NHLRC1: variants seen among roughly 807,000 people sequenced by gnomAD.
NHLRC1 encodes E3 ubiquitin-protein ligase NHLRC1.
Under a neutral mutation model 14.6 loss-of-function variants are expected in NHLRC1, and 10 were observed. The observed-to-expected ratio is 0.69, with a 90% CI of 0.42 to 1.17. The LOEUF (loss-of-function observed/expected upper bound fraction) is 1.17, where lower values mean the gene tolerates loss of function less well. NHLRC1 is among the 50% of genes most tolerant of loss of function. NHLRC1 has a pLI of 0.00. For synonymous variants in NHLRC1, 231 were observed against 224.0 expected (o/e 1.03, Z -0.28); for missense variants, 526 against 522.9 (o/e 1.01, Z -0.06).
At position 18,122,449 on chromosome 6, in the gene NHLRC1, G is replaced by A; in HGVS notation, c.158C>T (p.Ala53Val). The A allele has an allele frequency of 6.3e-7, 1 of 1,595,054 alleles. No individual in the cohort carries two copies. The highest frequency in any genetic ancestry group is 8.5e-7 in the Non-Finnish European group (1 of 1,178,494). Reference sequence around the variant, plus strand: ...CGGGTGCGCCAGGGCGGCCACGCAGGCCAGGCAGACCACGTGGCCGCAGGA... The same window carrying A: ...CGGGTGCGCCAGGGCGGCCACGCAGACCAGGCAGACCACGTGGCCGCAGGA... ...NLSCGHVVCL[A>V]CVAALAHPRT... The change falls in exon 1 of 1, where the codon GCC becomes GTC. Residue 53 changes from alanine to valine, a missense_variant. By Grantham distance (64) the Ala-to-Val change is moderately conservative. Transcript: ENST00000340650.
In NHLRC1 at chr6:18,121,916, C is replaced by T. The variant is rs1060503098; in HGVS notation, c.691G>A (p.Val231Ile). 1 of 1,614,210 alleles carries T rather than the reference C, an allele frequency of 6.2e-7. No individual in the cohort carries two copies. The highest frequency in any genetic ancestry group is 8.5e-7 in the Non-Finnish European group (1 of 1,180,036). Residue 231 changes from valine to isoleucine, a missense_variant, in exon 1 of 1, where the codon GTA (valine) becomes ATA (isoleucine). Coordinates refer to ENST00000340650, the MANE Select transcript of NHLRC1 (RefSeq NM_198586.3). This position sits in a 1 kb window ranked among gnomAD's most constrained non-coding sequence, Gnocchi z 4.7. ...VETTPQNGIV[V>I]TDAEAGSLHL... ...AGGGACCCTGCCTCCGCATCAGTTACCACAATCCCATTCTGAGGGGTGGTC... is the reference window on the plus strand; with the variant it reads ...AGGGACCCTGCCTCCGCATCAGTTATCACAATCCCATTCTGAGGGGTGGTC...
In NHLRC1 at chr6:18,121,968, G is replaced by T. The variant is rs1783743130; in HGVS notation, c.639C>A (p.Gly213=). Residue 213 remains glycine, a synonymous_variant, in exon 1 of 1, where the codon GGC becomes GGA. Transcript: ENST00000340650. This position sits in a 1 kb window ranked among gnomAD's most constrained non-coding sequence, Gnocchi z 4.7. ...FFGQIKLVIG[G]QFSLPWGVET... Reference sequence around the variant, plus strand: ...CCACACCCCAAGGTAAGGAGAATTGGCCTCCAATGACAAGCTTGATCTGGC... The same window carrying T: ...CCACACCCCAAGGTAAGGAGAATTGTCCTCCAATGACAAGCTTGATCTGGC... The T allele has an allele frequency of 1.2e-6, 2 of 1,614,200 alleles. No homozygotes were observed. Among genetic ancestry groups the T allele is most frequent in the Non-Finnish European group, 1.7e-6 (2 of 1,180,042 alleles).
Position 18,122,140 on chromosome 6 carries a change from G to C in NHLRC1, c.467C>G (p.Ser156Ter). The change falls in exon 1 of 1, where the codon TCA becomes TGA. Residue 156 changes from serine (S) to a stop codon, truncating the protein, a stop_gained. Coordinates refer to ENST00000340650, the MANE Select transcript of NHLRC1 (RefSeq NM_198586.3). LOFTEE classifies it high-confidence loss of function. The stretch of plus-strand genomic sequence containing the variant: ...AAACTGATGCGCGCATCCTCCCCCT[G>C]AGTCAAAAATCTTGACACGCCTCCT... ...DGRRRVKIFD[S>*]GGGCAHQFGE... 6.2e-7 allele frequency: 1 copy of C among 1,613,866 alleles called. No homozygotes were observed. Among genetic ancestry groups the C allele is most frequent in the Non-Finnish European group, 8.5e-7 (1 of 1,180,018 alleles).
chr6:18,122,175 C>CACCACCACGACACGCCCCGTCTTT lies in NHLRC1; in HGVS notation c.431_432insAAAGACGGGGCGTGTCGTGGTGGT (p.Lys137_Val144dup). Reference sequence around the variant, plus strand: ...TCTTGACACGCCTCCTGCCGTCGTGCACCACCACGACACGCCCCGTCTTGG... The same window carrying CACCACCACGACACGCCCCGTCTTT: ...TCTTGACACGCCTCCTGCCGTCGTGCACCACCACGACACGCCCCGTCTTTACCACCACGACACGCCCCGTCTTGG... On this transcript the variant is annotated inframe_insertion, in exon 1 of 1. Coordinates refer to ENST00000340650, the MANE Select transcript of NHLRC1 (RefSeq NM_198586.3). The CACCACCACGACACGCCCCGTCTTT allele has an allele frequency of 6.2e-7, 1 of 1,613,386 alleles. No individual in the cohort carries two copies. The highest frequency in any genetic ancestry group is 8.5e-7 in the Non-Finnish European group (1 of 1,180,032).
Position 18,121,010 on chromosome 6 carries a change from A to T in NHLRC1, c.*409T>A, listed in dbSNP as rs1783722351. On this transcript the variant is annotated 3_prime_UTR_variant, in exon 1 of 1. Coordinates refer to ENST00000340650, the MANE Select transcript of NHLRC1 (RefSeq NM_198586.3). The surrounding 1 kb of genome is among the most constrained non-coding windows in gnomAD (Gnocchi z 4.7). ...ACATGGTGAAACCCCATCTCTGCCA[A>T]AATACAAAAATTAGCTGAGTGTGGT... The T allele has an allele frequency of 4.5e-6, 1 of 223,280 alleles. No individual in the cohort carries two copies. Among genetic ancestry groups the T allele is most frequent in the Non-Finnish European group, 9.0e-6 (1 of 110,990 alleles). The allele number at this position is 223,280 out of a possible 1,614,324, so 13.8% of individuals were successfully genotyped here.
At position 18,120,695 on chromosome 6, in the gene NHLRC1, C is replaced by G. The variant is rs1055138822; in HGVS notation, c.*724G>C. ...TAAAATAATTAGCTACTTGTAAAGA[C>G]AGTACACATAGCAACACTACACATT... is the stretch of plus-strand genomic sequence containing the variant. On this transcript the variant is annotated 3_prime_UTR_variant, in exon 1 of 1. Transcript: ENST00000340650. 1 of 152,292 alleles carries G rather than the reference C, an allele frequency of 6.6e-6. No homozygotes were observed. Among genetic ancestry groups the G allele is most frequent in the Non-Finnish European group, 1.5e-5 (1 of 68,142 alleles). 9.4% of individuals were successfully genotyped at this position (152,292 alleles called of 1,614,324 possible).
Position 18,121,858 on chromosome 6 carries a change from A to G in NHLRC1, c.749T>C (p.Val250Ala). ...HLLDVDFAEG[V>A]LRRTERLQAH... ...TTGCAACCTTTCAGTTCTCCGAAGG[A>G]CCCCTTCCGCGAAGTCGACGTCCAG... The change falls in exon 1 of 1, where the codon GTC becomes GCC. Residue 250 changes from valine to alanine, a missense_variant. Val to Ala is a moderately conservative substitution (Grantham distance 64, BLOSUM62 0). Coordinates refer to ENST00000340650, the MANE Select transcript of NHLRC1 (RefSeq NM_198586.3). The surrounding 1 kb of genome is among the most constrained non-coding windows in gnomAD (Gnocchi z 4.7). 1 of 1,613,426 alleles carries G rather than the reference A, an allele frequency of 6.2e-7. No individual in the cohort carries two copies. The highest frequency in any genetic ancestry group is 1.1e-5 in the South Asian group (1 of 91,046).
chr6:18,122,596 T>A lies in NHLRC1; in HGVS notation c.11A>T (p.Glu4Val), dbSNP rs767954855. MAA[E>V]ASESGPALHE... ...CAGCGCTGGCCCGCTCTCCGAGGCT[T>A]CGGCCGCCATGGCGCGTCCTGTGCA... The change falls in exon 1 of 1, where the codon GAA becomes GTA. Residue 4 changes from glutamate to valine, a missense_variant. Physicochemically the swap from Glu to Val is moderately radical, Grantham distance 121 (BLOSUM62 -2). Transcript: ENST00000340650. The A allele has an allele frequency of 6.3e-7, 1 of 1,593,512 alleles. No individual in the cohort carries two copies. Among genetic ancestry groups the A allele is most frequent in the South Asian group, 1.1e-5 (1 of 90,732 alleles).
At position 18,121,272 on chromosome 6, in the gene NHLRC1, C is replaced by T. The variant is rs1447933619; in HGVS notation, c.*147G>A. 1.5e-6 allele frequency: 1 copy of T among 668,610 alleles called. No individual in the cohort carries two copies. The highest frequency in any genetic ancestry group is 1.8e-5 in the African/African-American group (1 of 55,150). 41.4% of individuals were successfully genotyped at this position (668,610 alleles called of 1,614,324 possible). A position where few individuals can be genotyped will look rare whatever the true frequency, so the allele number is the denominator to read the frequency against. On this transcript the variant is annotated 3_prime_UTR_variant, in exon 1 of 1. Coordinates refer to ENST00000340650, the MANE Select transcript of NHLRC1 (RefSeq NM_198586.3). This position sits in a 1 kb window ranked among gnomAD's most constrained non-coding sequence, Gnocchi z 4.7. ...CATTCAATAAATGGTAGATTAATCTCCAATAACTGTCCCAAGCTTTGTAAG... is the reference window on the plus strand; with the variant it reads ...CATTCAATAAATGGTAGATTAATCTTCAATAACTGTCCCAAGCTTTGTAAG...
In NHLRC1 at chr6:18,122,511, C is replaced by T. The variant is rs1213994929; in HGVS notation, c.96G>A (p.Lys32=). ...SLLECKVCFE[K]FGHRQQRRPR... is the part of the protein sequence containing the mutation. ...GGCGCCGCTGCTGCCGGTGGCCAAA[C>T]TTCTCAAAGCACACCTTGCACTCGA... Residue 32 remains lysine, a synonymous_variant, in exon 1 of 1, where the codon AAG becomes AAA. Coordinates refer to ENST00000340650, the MANE Select transcript of NHLRC1 (RefSeq NM_198586.3). 6.3e-7 allele frequency: 1 copy of T among 1,597,552 alleles called. No homozygotes were observed. Among genetic ancestry groups the T allele is most frequent in the Non-Finnish European group, 8.5e-7 (1 of 1,179,608 alleles).
At position 18,121,820 on chromosome 6, in the gene NHLRC1, T is replaced by G. The variant is rs749287999; in HGVS notation, c.787A>C (p.Asn263His). ...CAAGACACTGCCACCCCTCGGGGAT[T>G]GCACAGATGAGCTTGCAACCTTTCA... ...RTERLQAHLC[N>H]PRGVAVSWLT... Residue 263 changes from asparagine (N) to histidine (H), a missense_variant, in exon 1 of 1, where the codon AAT becomes CAT. Asn to His is a moderately conservative substitution (Grantham distance 68). Transcript: ENST00000340650. The surrounding 1 kb of genome is among the most constrained non-coding windows in gnomAD (Gnocchi z 4.7). 3.1e-6 allele frequency: 5 copies of G among 1,614,066 alleles called. No individual in the cohort carries two copies. In the South Asian group the frequency reaches 4.4e-5, roughly 14 times the overall value.
Position 18,121,384 on chromosome 6 carries a change from T to G in NHLRC1, c.*35A>C, listed in dbSNP as rs748741304. 6.8e-7 allele frequency: 1 copy of G among 1,476,314 alleles called. No individual in the cohort carries two copies. Among genetic ancestry groups the G allele is most frequent in the Non-Finnish European group, 9.5e-7 (1 of 1,054,938 alleles). 91.5% of individuals were successfully genotyped at this position (1,476,314 alleles called of 1,614,324 possible). A position where few individuals can be genotyped will look rare whatever the true frequency, so the allele number is the denominator to read the frequency against. On this transcript the variant is annotated 3_prime_UTR_variant, in exon 1 of 1. Transcript: ENST00000340650. The surrounding 1 kb of genome is among the most constrained non-coding windows in gnomAD (Gnocchi z 4.7). The stretch of plus-strand genomic sequence containing the variant: ...TTAAACAATTCATTAATGGCAGCAC[T>G]AGTGCTTCTGATTCCAGGGACCCAC...
At position 18,121,817 on chromosome 6, in the gene NHLRC1, G is replaced by A; in HGVS notation, c.790C>T (p.Pro264Ser). Residue 264 changes from proline (P) to serine (S), a missense_variant, in exon 1 of 1, where the codon CCC (proline) becomes TCC (serine). By Grantham distance (74) the Pro-to-Ser change is moderately conservative (BLOSUM62 -1). Coordinates refer to ENST00000340650, the MANE Select transcript of NHLRC1 (RefSeq NM_198586.3). This position sits in a 1 kb window ranked among gnomAD's most constrained non-coding sequence, Gnocchi z 4.7. ...TERLQAHLCN[P>S]RGVAVSWLTG... ...AGCCAAGACACTGCCACCCCTCGGG[G>A]ATTGCACAGATGAGCTTGCAACCTT... 1 of 1,614,072 alleles carries A rather than the reference G, an allele frequency of 6.2e-7. No homozygotes were observed. The highest frequency in any genetic ancestry group is 8.5e-7 in the Non-Finnish European group (1 of 1,180,022).
In NHLRC1 at chr6:18,121,660, A is replaced by C. The variant is rs1168221079; in HGVS notation, c.947T>G (p.Phe316Cys). Residue 316 changes from phenylalanine (F) to cysteine (C), a missense_variant, in exon 1 of 1, where the codon TTT becomes TGT. Coordinates refer to ENST00000340650, the MANE Select transcript of NHLRC1 (RefSeq NM_198586.3). The surrounding 1 kb of genome is among the most constrained non-coding windows in gnomAD (Gnocchi z 4.7). ...QVDTFGLSLY[F>C]PSKITASAVT... ...AGCGGAGGCAGTTATTTTGGAGGGA[A>C]AGTAGAGGCTCAGCCCAAAGGTATC... is the stretch of plus-strand genomic sequence containing the variant. 6 of 1,614,136 alleles carry C rather than the reference A, an allele frequency of 3.7e-6. No individual in the cohort carries two copies. In the South Asian group the frequency reaches 4.4e-5, roughly 12 times the overall value.
rs1561882032 is a variant in NHLRC1, at chr6:18,122,195, T to C, written c.412A>G (p.Thr138Ala). ...NPTGLALCPK[T>A]GRVVVVHDGR... The stretch of plus-strand genomic sequence containing the variant: ...TCGTGCACCACCACGACACGCCCCG[T>C]CTTGGGACAAAGCGCCAGTCCGGTG... The change falls in exon 1 of 1, where the codon ACG (threonine) becomes GCG (alanine). Residue 138 changes from threonine to alanine, a missense_variant. Coordinates refer to ENST00000340650, the MANE Select transcript of NHLRC1 (RefSeq NM_198586.3). 2 of 1,613,584 alleles carry C rather than the reference T, an allele frequency of 1.2e-6. No individual in the cohort carries two copies. Among genetic ancestry groups the C allele is most frequent in the Non-Finnish European group, 1.7e-6 (2 of 1,180,010 alleles).
Position 18,121,140 on chromosome 6 carries a change from A to G in NHLRC1, c.*279T>C. On this transcript the variant is annotated 3_prime_UTR_variant, in exon 1 of 1. Transcript: ENST00000340650. This position sits in a 1 kb window ranked among gnomAD's most constrained non-coding sequence, Gnocchi z 4.7. ...AGCTGTGATCATGCTTCTGCACTCC[A>G]GCCTGGGTGACAGAGCTTGACTCTA... 1 of 449,760 alleles carries G rather than the reference A, an allele frequency of 2.2e-6. No individual in the cohort carries two copies. Among genetic ancestry groups the G allele is most frequent in the East Asian group, 4.5e-5 (1 of 22,096 alleles). The allele number at this position is 449,760 out of a possible 1,614,324, so 27.9% of individuals were successfully genotyped here. A position where few individuals can be genotyped will look rare whatever the true frequency, so the allele number is the denominator to read the frequency against.
Position 18,122,453 on chromosome 6 carries a change from G to C in NHLRC1, c.154C>G (p.Leu52Val). ...TGCGCCAGGGCGGCCACGCAGGCCA[G>C]GCAGACCACGTGGCCGCAGGACAGG... Reference protein sequence around the residue: ...RNLSCGHVVCLACVAALAHPR... With the variant: ...RNLSCGHVVCVACVAALAHPR... Residue 52 changes from leucine to valine, a missense_variant, in exon 1 of 1, where the codon CTG becomes GTG. Leu to Val is a conservative substitution (Grantham distance 32). Coordinates refer to ENST00000340650, the MANE Select transcript of NHLRC1 (RefSeq NM_198586.3). 6 of 1,595,446 alleles carry C rather than the reference G, an allele frequency of 3.8e-6. No homozygotes were observed. Among genetic ancestry groups the C allele is most frequent in the Non-Finnish European group, 5.1e-6 (6 of 1,178,670 alleles).
Position 18,121,809 on chromosome 6 carries a change from C to A in NHLRC1, c.798G>T (p.Gly266=). The A allele has an allele frequency of 6.2e-7, 1 of 1,614,012 alleles. No individual in the cohort carries two copies. The highest frequency in any genetic ancestry group is 8.5e-7 in the Non-Finnish European group (1 of 1,180,022). Residue 266 remains glycine, a synonymous_variant, in exon 1 of 1, where the codon GGG becomes GGT. Transcript: ENST00000340650. This position sits in a 1 kb window ranked among gnomAD's most constrained non-coding sequence, Gnocchi z 4.7. ...RLQAHLCNPR[G]VAVSWLTGAI... ...CCCCGGTGAGCCAAGACACTGCCACCCCTCGGGGATTGCACAGATGAGCTT... is the reference window on the plus strand; with the variant it reads ...CCCCGGTGAGCCAAGACACTGCCACACCTCGGGGATTGCACAGATGAGCTT...
Position 18,122,477 on chromosome 6 carries a change from G to A in NHLRC1, c.130C>T (p.Leu44=). Residue 44 remains leucine, a synonymous_variant, in exon 1 of 1, where the codon CTG becomes TTG. Transcript: ENST00000340650. ...AGGCAGACCACGTGGCCGCAGGACA[G>A]GTTGCGCGGGCGCCGCTGCTGCCGG... The part of the protein sequence containing the change: ...GHRQQRRPRN[L]SCGHVVCLAC... 1 of 1,596,888 alleles carries A rather than the reference G, an allele frequency of 6.3e-7. No homozygotes were observed.
Sources: gnomAD v4.1 joint callset for allele counts on GRCh38, gnomAD v4.1.1 for gene constraint, Gnocchi (gnomAD v3.1) non-coding constraint, MANE v1.5 for transcripts, NCBI Gene and HGNC (gene_info 2026-07-23, HGNC 2026-07-21) for gene names.